The following PCDHGA7 variants were observed in gnomAD, a reference collection of about 807,000 sequenced individuals.
The protein encoded by PCDHGA7 is protocadherin gamma subfamily A, 7, also known as protocadherin gamma-A7.
Under a neutral mutation model 58.3 loss-of-function variants are expected in PCDHGA7, and 44 were observed. That is an observed-to-expected ratio of 0.75 (90% CI 0.59 to 0.97). PCDHGA7 has a LOEUF of 0.97. Among genes scored for constraint, PCDHGA7 ranks in the 50% least tolerant of loss-of-function variants. The pLI is 0.00. For missense variants in PCDHGA7, 1,266 were observed against 1,188.7 expected (o/e 1.06, Z -0.96); for synonymous variants, 516 against 504.2 (o/e 1.02, Z -0.31).
rs1263728099 is a variant in PCDHGA7, at chr5:141,476,079, G to T, written c.2425-18728G>T. Reference sequence around the variant, plus strand: ...AGTTTCTCAGCGAAATCTCAGGGACGATCTGGACCCCGCTGAGAGGAACTG... The same window carrying T: ...AGTTTCTCAGCGAAATCTCAGGGACTATCTGGACCCCGCTGAGAGGAACTG... On this transcript the variant is annotated intron_variant, in intron 1 of 3. Coordinates refer to ENST00000518325, the MANE Select transcript of PCDHGA7 (RefSeq NM_018920.4). This position sits in a 1 kb window ranked among gnomAD's most constrained non-coding sequence, Gnocchi z 7.6. 3 of 1,537,560 alleles carry T rather than the reference G, an allele frequency of 2.0e-6. No homozygotes were observed. Among genetic ancestry groups the T allele is most frequent in the African/African-American group, 1.4e-5 (1 of 72,808 alleles).
rs907427230 is a variant in PCDHGA7, at chr5:141,489,936, G to A, written c.2425-4871G>A. 4 of 1,614,096 alleles carry A rather than the reference G, an allele frequency of 2.5e-6. No homozygotes were observed. In the African/African-American group the frequency reaches 5.3e-5, roughly 22 times the overall value. ...GGACCACCCTTATCTCTGTCATCGT[G>A]CTGGACATCAATGATAATGCTCCAA... is the stretch of plus-strand genomic sequence containing the variant. On this transcript the variant is annotated intron_variant, in intron 1 of 3. Coordinates refer to ENST00000518325, the MANE Select transcript of PCDHGA7 (RefSeq NM_018920.4). This position sits in a 1 kb window ranked among gnomAD's most constrained non-coding sequence, Gnocchi z 4.5.
chr5:141,393,896 T>C lies in PCDHGA7; in HGVS notation c.2424+8573T>C, dbSNP rs754023896. 3.1e-6 allele frequency: 5 copies of C among 1,613,942 alleles called. No homozygotes were observed. In the East Asian group the frequency reaches 1.1e-4, roughly 36 times the overall value. On this transcript the variant is annotated intron_variant, in intron 1 of 3. Coordinates refer to ENST00000518325, the MANE Select transcript of PCDHGA7 (RefSeq NM_018920.4). Reference sequence around the variant, plus strand: ...TTAGCCCAGTGTTAGAAAATTCTCTTCCCGGGACAGTAATTGCCTTCTTGA... The same window carrying C: ...TTAGCCCAGTGTTAGAAAATTCTCTCCCCGGGACAGTAATTGCCTTCTTGA...
At chr5:141,420,006 G>T in intron 1 of PCDHGA7, 1 of 1,614,052 alleles carries the variant, frequency 6.2e-7, no homozygotes, top group Non-Finnish European at 8.5e-7. Flanking sequence ...CTACGCCTGC[G>T]ACAGTCTTTC....
chr5:141,427,454 T>C (rs62379160), intron 1 of PCDHGA7: 18,356 of 489,902 alleles, frequency 0.037, 441 homozygotes, highest in Middle Eastern at 0.11. Context: ...GAGTTCCTTT[T>C]AGAATCGAAT....
At chr5:141,392,608 AT>A in intron 1 of PCDHGA7, 1 of 519,670 alleles carries the variant, frequency 1.9e-6, no homozygotes, top group Non-Finnish European at 3.3e-6. Context: ...TGGAAGACAA[AT>A]GCAACCGAAA....
At position 141,390,023 on chromosome 5, in the gene PCDHGA7, G is replaced by C. The variant is rs2092020127; in HGVS notation, c.2424+4700G>C. ...TGATTCTGGCCATTGCCTTGCGCCT[G>C]CGACGCTCCTCCAGCCCCGCCTCCT... On this transcript the variant is annotated intron_variant, in intron 1 of 3. Transcript: ENST00000518325. The C allele has an allele frequency of 1.9e-6, 3 of 1,613,908 alleles. No individual in the cohort carries two copies. In the African/African-American group the frequency reaches 4.0e-5, roughly 22 times the overall value.
At chr5:141,414,926 G>T (rs2095802657) in intron 1 of PCDHGA7, 3 of 1,614,114 alleles carry the variant, frequency 1.9e-6, no homozygotes, top group Admixed American at 1.7e-5. Flanking sequence ...CTGGCGCCCC[G>T]CTCCGCAGAG....
chr5:141,393,893 T>C (rs761049644), intron 1 of PCDHGA7: 7 of 1,614,034 alleles, frequency 4.3e-6, no homozygotes, highest in Non-Finnish European at 5.1e-6. Flanking sequence ...TAGAAAATTC[T>C]CTTCCCGGGA....
At chr5:141,445,178 A>G (rs768321514) in intron 1 of PCDHGA7, among the ~76,000 whole-genome samples, 2 of 152,218 alleles carry the variant, frequency 1.3e-5, no homozygotes, top group Admixed American at 1.3e-4. Context: ...ATGAAAAACT[A>G]TGTTTTTATG....
At chr5:141,391,248 A>G (rs1561633877) in intron 1 of PCDHGA7, 1 of 152,120 alleles carries the variant, frequency 6.6e-6, no homozygotes, top group Non-Finnish European at 1.5e-5. Context: ...TATCTAAGCA[A>G]CTGCTTCAGT....
At position 141,476,033 on chromosome 5, in the gene PCDHGA7, C is replaced by T; in HGVS notation, c.2425-18774C>T. On this transcript the variant is annotated intron_variant, in intron 1 of 3. Transcript: ENST00000518325. The surrounding 1 kb of genome is among the most constrained non-coding windows in gnomAD (Gnocchi z 7.6). The stretch of plus-strand genomic sequence containing the variant: ...GCCATGTCGGACTCGGCGCCCAGCG[C>T]CCAAGCGCTAACCCGCTGAAAGTTT... 6.8e-7 allele frequency: 1 copy of T among 1,469,590 alleles called. No individual in the cohort carries two copies. Among genetic ancestry groups the T allele is most frequent in the Non-Finnish European group, 9.0e-7 (1 of 1,105,326 alleles). 91.0% of individuals were successfully genotyped at this position (1,469,590 alleles called of 1,614,324 possible). A position where few individuals can be genotyped will look rare whatever the true frequency, so the allele number is the denominator to read the frequency against.
In PCDHGA7 at chr5:141,487,102, G is replaced by C; in HGVS notation, c.2425-7705G>C. The C allele has an allele frequency of 6.2e-7, 1 of 1,613,900 alleles. No homozygotes were observed. Among genetic ancestry groups the C allele is most frequent in the Non-Finnish European group, 8.5e-7 (1 of 1,179,818 alleles). ...CAGCTGACCTCCCACCACAGAAGCTGGTCATTGTGGTAAAGGATAGTGGTA... is the reference window on the plus strand; with the variant it reads ...CAGCTGACCTCCCACCACAGAAGCTCGTCATTGTGGTAAAGGATAGTGGTA... On this transcript the variant is annotated intron_variant, in intron 1 of 3. Transcript: ENST00000518325. This position sits in a 1 kb window ranked among gnomAD's most constrained non-coding sequence, Gnocchi z 5.0.
chr5:141,389,411 CG>C, intron 1 of PCDHGA7: 2 of 1,613,568 alleles, frequency 1.2e-6, no homozygotes, highest in South Asian at 2.2e-5. Flanking sequence ...GCGCGGAGAG[CG>C]GGGTGGTGTT....
chr5:141,447,658 A>C (rs114314834), intron 1 of PCDHGA7, among the ~76,000 whole-genome samples: 3,576 of 152,302 alleles, frequency 0.023, 90 homozygotes, highest in Non-Finnish European at 0.03. Context: ...TTTCCCCCCC[A>C]GGAAGTTAGA....
At chr5:141,408,317 G>A in intron 1 of PCDHGA7, 1 of 1,613,892 alleles carries the variant, frequency 6.2e-7, no homozygotes, top group Non-Finnish European at 8.5e-7. Context: ...CTCGATTCCG[G>A]AGGAGCTGGC....
intron 1 of PCDHGA7, among the ~76,000 whole-genome samples, chr5:141,457,674 A>G (rs577008886): frequency 2.9e-4 from 44 of 152,256 alleles, no homozygotes; most frequent in South Asian, 2.1e-4. Flanking sequence ...GGTTATTTCT[A>G]CATAGGACTT....
At position 141,404,066 on chromosome 5, in the gene PCDHGA7, C is replaced by G. The variant is rs745515085; in HGVS notation, c.2424+18743C>G. The G allele has an allele frequency of 3.1e-6, 5 of 1,613,776 alleles. No individual in the cohort carries two copies. The East Asian group carries it at 8.9e-5, about 29-fold the overall frequency. On this transcript the variant is annotated intron_variant, in intron 1 of 3. Transcript: ENST00000518325. ...AACAGTAATTCTTCTTTTCAATGCT[C>G]ATGACCGAGACTCCGGGAAGAATGG...
Position 141,431,240 on chromosome 5 carries a change from G to A in PCDHGA7, c.2424+45917G>A, listed in dbSNP as rs1402814836. 6 of 1,614,044 alleles carry A rather than the reference G, an allele frequency of 3.7e-6. No individual in the cohort carries two copies. Among genetic ancestry groups the A allele is most frequent in the Non-Finnish European group, 5.1e-6 (6 of 1,180,056 alleles). On this transcript the variant is annotated intron_variant, in intron 1 of 3. Coordinates refer to ENST00000518325, the MANE Select transcript of PCDHGA7 (RefSeq NM_018920.4). The surrounding 1 kb of genome is among the most constrained non-coding windows in gnomAD (Gnocchi z 4.8). Reference sequence around the variant, plus strand: ...CCCTCTACCCCACGCCTGGGATCCGGATATCGGGAAGAACTCTCTGCAGAG... The same window carrying A: ...CCCTCTACCCCACGCCTGGGATCCGAATATCGGGAAGAACTCTCTGCAGAG...
At chr5:141,494,972 C>G in intron 2 of PCDHGA7, 107 bp downstream of exon 2, 1 of 1,581,852 alleles carries the variant, frequency 6.3e-7, no homozygotes, top group Non-Finnish European at 8.6e-7. Context: ...TGGCTTCTCC[C>G]TCAGTTTGAG....
Sources: gnomAD v4.1 joint callset for allele counts (sites outside exome capture counted in the v4.1 genomes callset) on GRCh38, gnomAD v4.1.1 for gene constraint, Gnocchi (gnomAD v3.1) non-coding constraint, MANE v1.5 for transcripts, NCBI Gene and HGNC (gene_info 2026-07-23, HGNC 2026-07-21) for gene names.